The following ZNF841 variants were observed in gnomAD, a reference collection of about 807,000 sequenced individuals.
ZNF841 encodes the protein zinc finger protein 841.
In ZNF841, 11 loss-of-function variants were observed where a neutral mutation model predicts 13.0. That is an observed-to-expected ratio of 0.85 (90% CI 0.53 to 1.40). The LOEUF is 1.40. Among genes scored for constraint, ZNF841 ranks in the 40% most tolerant of loss-of-function variants. The pLI is 0.00. For missense variants in ZNF841, 1,068 were observed against 1,139.5 expected, an observed-to-expected ratio of 0.94 and a Z score of 0.90; for synonymous variants, 369 against 381.6, an observed-to-expected ratio of 0.97 and a Z score of 0.38.
intron 2 of ZNF841, among the ~76,000 whole-genome samples, chr19:52,090,441 C>A (rs549860260): frequency 7.9e-5 from 12 of 151,660 alleles, no homozygotes; most frequent in Non-Finnish European, 1.5e-4. Flanking sequence ...TACCTGTAGT[C>A]TTAGCCCTTC....
intron 6 of ZNF841, among the ~76,000 whole-genome samples, chr19:52,069,662 C>G (rs953970346): frequency 6.6e-6 from 1 of 152,200 alleles, no homozygotes; most frequent in South Asian, 2.1e-4. Context: ...TTAGCAGAAA[C>G]GTGAAAAAGC....
intron 6 of ZNF841, among the ~76,000 whole-genome samples, chr19:52,068,757 G>A (rs2087660520): frequency 6.6e-6 from 1 of 151,188 alleles, no homozygotes; most frequent in Admixed American, 6.6e-5. Flanking sequence ...GATCACTTGA[G>A]GCCAAGAGTT....
intron 6 of ZNF841, among the ~76,000 whole-genome samples, chr19:52,074,044 A>T (rs1279499066): frequency 6.6e-6 from 1 of 152,238 alleles, no homozygotes; most frequent in East Asian, 1.9e-4. Flanking sequence ...CTTTCATAGT[A>T]GGAATTAAGT....
chr19:52,088,416 G>T (rs2088362433), intron 3 of ZNF841, among the ~76,000 whole-genome samples: 1 of 152,208 alleles, frequency 6.6e-6, no homozygotes, highest in East Asian at 1.9e-4. Flanking sequence ...TAAGAAAAAG[G>T]TATGCCAGAA....
Position 52,093,984 on chromosome 19 carries a change from G to C in ZNF841, c.-269-13C>G, listed in dbSNP as rs1320938263. 1 of 151,616 alleles carries C rather than the reference G, an allele frequency of 6.6e-6. No homozygotes were observed. The highest frequency in any genetic ancestry group is 2.4e-5 in the African/African-American group (1 of 40,932). 9.4% of individuals were successfully genotyped at this position (151,616 alleles called of 1,614,324 possible). On this transcript the variant is annotated splice_polypyrimidine_tract_variant and intron_variant, in intron 1 of 6. Transcript: ENST00000594440. ...ACTGCTCTCCAGCCTAGGCGGCAGA[G>C]AGAGACCATGTCCCCCCCCAAAACA...
Position 52,064,942 on chromosome 19 carries a change from A to G in ZNF841, c.*165T>C, listed in dbSNP as rs1360176733. On this transcript the variant is annotated 3_prime_UTR_variant, in exon 7 of 7. Coordinates refer to ENST00000594440, the MANE Select transcript of ZNF841 (RefSeq NM_001136499.2). ...AGCCAGACCTCATGAGAACTATCACAAGGACAGCAACAAGGGGATGGTACT... is the reference window on the plus strand; with the variant it reads ...AGCCAGACCTCATGAGAACTATCACGAGGACAGCAACAAGGGGATGGTACT... The G allele has an allele frequency of 1.8e-6, 1 of 551,996 alleles. No individual in the cohort carries two copies. Among genetic ancestry groups the G allele is most frequent in the South Asian group, 3.5e-5 (1 of 28,638 alleles). The allele number at this position is 551,996 out of a possible 1,614,324, so 34.2% of individuals were successfully genotyped here. A position where few individuals can be genotyped will look rare whatever the true frequency, so the allele number is the denominator to read the frequency against.
rs371572541 is a variant in ZNF841, at chr19:52,083,872, A to G, written c.15+915T>C. 2.3e-4 allele frequency among the ~76,000 whole-genome samples: 35 copies of G among 151,976 alleles called. No individual in the cohort carries two copies. The South Asian group carries it at 7.1e-3, about 31-fold the overall frequency. On this transcript the variant is annotated intron_variant, in intron 4 of 6. Coordinates refer to ENST00000594440, the MANE Select transcript of ZNF841 (RefSeq NM_001136499.2). ...AACAGCTAAAATCTCATTTAGCATA[A>G]ATTTCACATATAATAACACGTTATT...
At chr19:52,090,399 A>G (rs2088430008) in intron 2 of ZNF841, among the ~76,000 whole-genome samples, 1 of 151,908 alleles carries the variant, frequency 6.6e-6, no homozygotes, top group African/African-American at 2.4e-5. Flanking sequence ...TTTCTCTACA[A>G]AGAAAAGAAA....
chr19:52,061,753 T>A (rs2123184808), downstream of ZNF841, among the ~76,000 whole-genome samples: 2 of 152,028 alleles, frequency 1.3e-5, no homozygotes, highest in East Asian at 3.9e-4. Flanking sequence ...TCCATGTTGG[T>A]CAGGCTGGTC....
At chr19:52,060,700 C>T (rs1169962386), downstream of ZNF841, among the ~76,000 whole-genome samples, 2 of 152,180 alleles carry the variant, frequency 1.3e-5, no homozygotes, top group Non-Finnish European at 2.9e-5. Flanking sequence ...AGACTCATTT[C>T]TGTCCTTTTC....
chr19:52,072,072 G>T (rs537814010), intron 6 of ZNF841, among the ~76,000 whole-genome samples: 2 of 152,304 alleles, frequency 1.3e-5, no homozygotes, highest in East Asian at 3.9e-4. Context: ...AGCCAAAATA[G>T]ACTTTATGTC....
Position 52,067,540 on chromosome 19 carries a change from T to A in ZNF841, c.342A>T (p.Gln114His), listed in dbSNP as rs1306969358. The change falls in exon 7 of 7, where the codon CAA (glutamine) becomes CAT (histidine). Residue 114 changes from glutamine to histidine, a missense_variant. Coordinates refer to ENST00000594440, the MANE Select transcript of ZNF841 (RefSeq NM_001136499.2). ...IQNSNTGEKF[Q>H]AVMLEGHESY... ...TTTCATGTCCTTCCAACATCACTGC[T>A]TGGAATTTTTCTCCTGTGTTACTGT... 1.9e-6 allele frequency: 3 copies of A among 1,599,570 alleles called. No individual in the cohort carries two copies. Among genetic ancestry groups the A allele is most frequent in the Non-Finnish European group, 2.6e-6 (3 of 1,174,662 alleles).
At chr19:52,094,355 T>TC (rs986665018) in intron 1 of ZNF841, among the ~76,000 whole-genome samples, 1 of 152,178 alleles carries the variant, frequency 6.6e-6, no homozygotes, top group African/African-American at 2.4e-5. Context: ...GATGGGGTCC[T>TC]CTCCCGCTTT....
At chr19:52,090,705 A>G (rs560100200) in intron 2 of ZNF841, among the ~76,000 whole-genome samples, 19 of 132,028 alleles carry the variant, frequency 1.4e-4, no homozygotes, top group African/African-American at 2.9e-4. Flanking sequence ...GAAAGAAAGA[A>G]AGAGAAAGAA....
chr19:52,081,282 A>G (rs996048225), intron 4 of ZNF841, among the ~76,000 whole-genome samples: 16 of 152,202 alleles, frequency 1.1e-4, no homozygotes, highest in African/African-American at 3.9e-4. Flanking sequence ...TAATGACAAG[A>G]AAAAAAGGAC....
Position 52,064,947 on chromosome 19 carries a change from C to G in ZNF841, c.*160G>C. ...GACCTCATGAGAACTATCACAAGGA[C>G]AGCAACAAGGGGATGGTACTAAAAC... On this transcript the variant is annotated 3_prime_UTR_variant, in exon 7 of 7. Coordinates refer to ENST00000594440, the MANE Select transcript of ZNF841 (RefSeq NM_001136499.2). The G allele has an allele frequency of 1.8e-6, 1 of 564,966 alleles. No homozygotes were observed. The highest frequency in any genetic ancestry group is 3.4e-5 in the South Asian group (1 of 29,780). The allele number at this position is 564,966 out of a possible 1,614,324, so 35.0% of individuals were successfully genotyped here.
chr19:52,084,675 C>A, intron 4 of ZNF841, 112 bp downstream of exon 4: 2 of 1,204,108 alleles, frequency 1.7e-6, no homozygotes, highest in Non-Finnish European at 2.4e-6. Flanking sequence ...TGGGTGAGTG[C>A]GAGCAAATGT....
chr19:52,094,337 C>A (rs967553630), intron 1 of ZNF841, among the ~76,000 whole-genome samples: 1 of 152,182 alleles, frequency 6.6e-6, no homozygotes, highest in East Asian at 1.9e-4. Context: ...TCAACTGTCA[C>A]GCATCTGGAT....
intron 3 of ZNF841, among the ~76,000 whole-genome samples, chr19:52,088,106 G>A (rs902358279): frequency 2.0e-5 from 3 of 150,424 alleles, no homozygotes; most frequent in South Asian, 2.1e-4. Flanking sequence ...ATAATACTTC[G>A]GTAAGTTGCA....
Sources: gnomAD v4.1 joint callset for allele counts (sites outside exome capture counted in the v4.1 genomes callset) on GRCh38, gnomAD v4.1.1 for gene constraint, MANE v1.5 for transcripts, NCBI Gene and HGNC (gene_info 2026-07-23, HGNC 2026-07-21) for gene names.